Variants in CNIH3 observed in about 807,000 individuals in gnomAD.
CNIH3 encodes cornichon family AMPA receptor auxiliary protein 3.
CNIH3 carries 14 observed loss-of-function variants against 24.1 expected under a neutral mutation model. The ratio of observed to expected loss-of-function variants is 0.58; its 90% CI spans 0.38 to 0.91. The LOEUF is 0.91. CNIH3 is among the 40% of genes least tolerant of loss of function. The probability of loss-of-function intolerance (pLI) is 0.00; values close to 1 mark genes in which losing one functional copy is unlikely to be tolerated. For missense variants in CNIH3, 178 were observed against 196.8 expected (o/e 0.90, Z 0.57); for synonymous variants, 68 against 73.8 (o/e 0.92, Z 0.40).
intron 3 of CNIH3, among the ~76,000 whole-genome samples, chr1:224,696,408 T>C (rs1687178618): frequency 2.0e-5 from 3 of 152,250 alleles, no homozygotes; most frequent in Admixed American, 2.0e-4. Context: ...TCAGGGACTT[T>C]ATTCCAGAGA....
chr1:224,617,256 G>T lies in CNIH3; in HGVS notation c.81+1G>T. The T allele has an allele frequency of 6.2e-7, 1 of 1,613,766 alleles. No homozygotes were observed. The highest frequency in any genetic ancestry group is 8.5e-7 in the Non-Finnish European group (1 of 1,179,874). On this transcript the variant is annotated splice_donor_variant, in intron 1 of 5. Coordinates refer to ENST00000272133, the MANE Select transcript of CNIH3 (RefSeq NM_152495.2). LOFTEE classifies it high-confidence loss of function. ...GCTCATCTTCTTCGCCATCTGGCAC[G>T]TGAGTAACACGCTTTGGTCTCTCTT...
Position 224,681,958 on chromosome 1 carries a change from A to G in CNIH3, c.150+932A>G, listed in dbSNP as rs369332988. On this transcript the variant is annotated intron_variant, in intron 2 of 5. Coordinates refer to ENST00000272133, the MANE Select transcript of CNIH3 (RefSeq NM_152495.2). ...AAGGCAACTTTTTGCCTCTTTGAGTAGCTTTGTTGACCTTTTCAGCCAGAA... is the reference window on the plus strand; with the variant it reads ...AAGGCAACTTTTTGCCTCTTTGAGTGGCTTTGTTGACCTTTTCAGCCAGAA... Among the ~76,000 whole-genome samples, 8 of 152,216 alleles carry G rather than the reference A, an allele frequency of 5.3e-5. No individual in the cohort carries two copies. In the South Asian group the frequency reaches 1.7e-3, roughly 32 times the overall value.
intron 3 of CNIH3, among the ~76,000 whole-genome samples, chr1:224,705,900 ACTCAG>A (rs1431488485): frequency 8.2e-6 from 1 of 122,508 alleles, no homozygotes; most frequent in Non-Finnish European, 1.6e-5. Flanking sequence ...ATTCTTTAAG[ACTCAG>A]CTCACATCGT....
intron 3 of CNIH3, among the ~76,000 whole-genome samples, chr1:224,729,031 G>A (rs887809988): frequency 2.6e-5 from 4 of 152,150 alleles, no homozygotes; most frequent in African/African-American, 9.7e-5. Context: ...GTACCCCTGG[G>A]AGGGGGTCAG....
chr1:224,547,968 G>A (rs1558149379), intron 3 of CNIH3, among the ~76,000 whole-genome samples: 1 of 151,818 alleles, frequency 6.6e-6, no homozygotes, highest in African/African-American at 2.4e-5. Context: ...TACACCTGGT[G>A]ATATTATTTG....
Position 224,704,444 on chromosome 1 carries a change from CCT to C in CNIH3, c.198+19602_198+19603del, listed in dbSNP as rs1175609282. On this transcript the variant is annotated intron_variant, in intron 3 of 5. Transcript: ENST00000272133. The surrounding 1 kb of genome is among the most constrained non-coding windows in gnomAD (Gnocchi z 4.2). The stretch of plus-strand genomic sequence containing the variant: ...GGGATCCAGAGGCAGGGAGCCATCC[CCT>C]GAGTCTCATTTAACATTTTATTTTG... Among the ~76,000 whole-genome samples the C allele has an allele frequency of 1.3e-5, 2 of 152,144 alleles. No individual in the cohort carries two copies. The highest frequency in any genetic ancestry group is 2.9e-5 in the Non-Finnish European group (2 of 68,014).
chr1:224,594,887 A>G (rs1279114700), intron 3 of CNIH3, among the ~76,000 whole-genome samples: 2 of 152,240 alleles, frequency 1.3e-5, no homozygotes, highest in African/African-American at 4.8e-5. Flanking sequence ...TATACTGAAA[A>G]TAAAAATATA....
intron 3 of CNIH3, among the ~76,000 whole-genome samples, chr1:224,557,031 C>T (rs1680167006): frequency 6.6e-6 from 1 of 152,106 alleles, no homozygotes; most frequent in Non-Finnish European, 1.5e-5. Context: ...GAGGGAAGCA[C>T]TCTGCAGCCT....
intron 1 of CNIH3, among the ~76,000 whole-genome samples, chr1:224,651,950 T>G (rs961143896): frequency 6.6e-6 from 1 of 152,208 alleles, no homozygotes; most frequent in African/African-American, 2.4e-5. Flanking sequence ...GGGTGGGGGC[T>G]CCTTTTTCCC....
At chr1:224,709,036 G>A (rs980928384) in intron 3 of CNIH3, among the ~76,000 whole-genome samples, 1 of 152,194 alleles carries the variant, frequency 6.6e-6, no homozygotes, top group Non-Finnish European at 1.5e-5. Flanking sequence ...GCTGGAGTGG[G>A]TAGCTGATTA....
At chr1:224,557,892 A>G (rs1280498265) in intron 3 of CNIH3, among the ~76,000 whole-genome samples, 3 of 152,340 alleles carry the variant, frequency 2.0e-5, no homozygotes, top group Admixed American at 2.0e-4. Flanking sequence ...AGTCCTTACC[A>G]CAGTCATCTG....
chr1:224,602,993 A>C (rs75113143), intron 3 of CNIH3, among the ~76,000 whole-genome samples: 1,584 of 151,268 alleles, frequency 0.01, 8 homozygotes, highest in Non-Finnish European at 0.015. Context: ...AAAGCAACAC[A>C]AAACCACAGA....
At position 224,575,554 on chromosome 1, in the gene CNIH3, C is replaced by T. The variant is rs189443690; in HGVS notation, n.517-7610C>T. On this transcript the variant is annotated intron_variant and non_coding_transcript_variant, in intron 4 of 5. Transcript: ENST00000471578. ...TAGCTTGATGTTGGATCTGAAGAGC[C>T]CTGTCAATAGAGTAGCTTTGCTTTG... 3.3e-3 allele frequency among the ~76,000 whole-genome samples: 500 copies of T among 152,008 alleles called. 3 individuals carry two copies. Among genetic ancestry groups the T allele is most frequent in the African/African-American group, 0.011 (461 of 41,458 alleles).
At chr1:224,700,522 G>A (rs893419928) in intron 3 of CNIH3, among the ~76,000 whole-genome samples, 2 of 152,224 alleles carry the variant, frequency 1.3e-5, no homozygotes, top group African/African-American at 2.4e-5. Context: ...TGAATAGTGA[G>A]TTTCTGGGTT....
At chr1:224,662,492 A>G (rs1685412746) in intron 1 of CNIH3, among the ~76,000 whole-genome samples, 1 of 152,190 alleles carries the variant, frequency 6.6e-6, no homozygotes, top group Non-Finnish European at 1.5e-5. Context: ...TAGTTTTATA[A>G]CCTTCTGTGC....
intron 1 of CNIH3, among the ~76,000 whole-genome samples, chr1:224,653,376 C>G (rs1035912619): frequency 1.2e-4 from 18 of 148,596 alleles, no homozygotes; most frequent in African/African-American, 4.5e-4. Context: ...GAGCCAAGAT[C>G]GTGCCATTGC....
chr1:224,612,182 T>A (rs974867774), upstream of CNIH3, among the ~76,000 whole-genome samples: 1 of 152,184 alleles, frequency 6.6e-6, no homozygotes, highest in East Asian at 1.9e-4. The surrounding 1 kb of genome is among the most constrained non-coding windows in gnomAD (Gnocchi z 4.7). Context: ...GCACAACTTA[T>A]AAAGCTGAAT....
chr1:224,610,717 C>T (rs1354283680), intron 3 of CNIH3, among the ~76,000 whole-genome samples: 1 of 152,072 alleles, frequency 6.6e-6, no homozygotes, highest in Non-Finnish European at 1.5e-5. Context: ...GGCAGAAAAC[C>T]AAAACTAATT....
At chr1:224,547,521 G>A (rs930076874) in intron 3 of CNIH3, among the ~76,000 whole-genome samples, 2 of 151,792 alleles carry the variant, frequency 1.3e-5, no homozygotes, top group African/African-American at 4.8e-5. Context: ...GATAGTATTA[G>A]TAATAATTAA....
Sources: allele counts gnomAD v4.1 joint callset (sites outside exome capture counted in the v4.1 genomes callset), GRCh38; gene constraint gnomAD v4.1.1; non-coding constraint Gnocchi (gnomAD v3.1); transcripts MANE v1.5; gene names NCBI Gene and HGNC (gene_info 2026-07-23, HGNC 2026-07-21).